PRH1: variants seen among roughly 807,000 people sequenced by gnomAD.
PRH1 encodes the protein proline rich protein HaeIII subfamily 1.
A neutral mutation model predicts 7.9 loss-of-function variants in PRH1; 7 were observed. That is an observed-to-expected ratio of 0.89 (90% CI 0.50 to 1.67). The LOEUF (loss-of-function observed/expected upper bound fraction) is 1.67, where lower values mean the gene tolerates loss of function less well. PRH1 is among the 40% of genes most tolerant of loss of function. The probability of loss-of-function intolerance (pLI) is 0.00; values close to 1 mark genes in which losing one functional copy is unlikely to be tolerated. For missense variants in PRH1, 109 were observed against 223.6 expected (o/e 0.49, Z 3.27); for synonymous variants, 45 against 80.8 (o/e 0.56, Z 2.38).
At chr12:10,976,166 T>C (rs777642204) in intron 1 of PRH1, among the ~76,000 whole-genome samples, 2 of 152,038 alleles carry the variant, frequency 1.3e-5, no homozygotes, top group Non-Finnish European at 2.9e-5. Flanking sequence ...AACCACACAA[T>C]CTAACATAAA....
intron 1 of PRH1, among the ~76,000 whole-genome samples, chr12:11,045,217 T>TA (rs139932883): frequency 0.22 from 33,674 of 151,428 alleles, 3,730 homozygotes; most frequent in Non-Finnish European, 0.24. Context: ...AACTGCAATG[T>TA]TTGCACAGAA....
At chr12:11,109,023 T>C (rs1945511793) in intron 1 of PRH1, among the ~76,000 whole-genome samples, 1 of 152,176 alleles carries the variant, frequency 6.6e-6, no homozygotes, top group African/African-American at 2.4e-5. Context: ...GTAGGCAATT[T>C]TCCCCTTACG....
rs1212932846 is a variant in PRH1, at chr12:11,026,188, A to T, written c.-126+20832T>A. Among the ~76,000 whole-genome samples, 3 of 152,208 alleles carry T rather than the reference A, an allele frequency of 2.0e-5. No individual in the cohort carries two copies. The East Asian group carries it at 5.8e-4, about 29-fold the overall frequency. ...GTATTTGGAACTATAGGCATGCACC[A>T]ACACACCAGCTAATTTTTTAAATTT... On this transcript the variant is annotated intron_variant, in intron 1 of 3. Transcript: ENST00000539853.
intron 1 of PRH1, among the ~76,000 whole-genome samples, chr12:11,132,163 T>C (rs1260702585): frequency 1.3e-5 from 2 of 152,126 alleles, no homozygotes; most frequent in East Asian, 1.9e-4. Context: ...CTTCTTATAA[T>C]AGAACTTCCC....
At chr12:10,941,047 CAAG>C (rs1406374538) in intron 2 of PRH1, among the ~76,000 whole-genome samples, 1 of 152,052 alleles carries the variant, frequency 6.6e-6, no homozygotes, top group African/African-American at 2.4e-5. Context: ...CACATAGAGA[CAAG>C]AAGGTTACCC....
At chr12:11,137,758 T>A (rs1217534604) in intron 1 of PRH1, among the ~76,000 whole-genome samples, 1 of 152,184 alleles carries the variant, frequency 6.6e-6, no homozygotes, top group Non-Finnish European at 1.5e-5. Flanking sequence ...CCAATAATTA[T>A]GATCTTTTTA....
At chr12:11,064,116 G>A (rs1313242378) in intron 1 of PRH1, among the ~76,000 whole-genome samples, 2 of 152,028 alleles carry the variant, frequency 1.3e-5, no homozygotes, top group Non-Finnish European at 2.9e-5. Context: ...CACTTTCCAA[G>A]TCCCTAAACA....
chr12:10,970,346 A>T (rs1226932805), intron 2 of PRH1, among the ~76,000 whole-genome samples: 1 of 152,152 alleles, frequency 6.6e-6, no homozygotes, highest in Non-Finnish European at 1.5e-5. Flanking sequence ...AGGGATAATC[A>T]TCCGTATAAT....
chr12:11,048,899 G>A (rs539627998), upstream of PRH1: 12 of 268,952 alleles, frequency 4.5e-5, no homozygotes, highest in African/African-American at 2.7e-4. Context: ...TTCTTTAGGT[G>A]GAGAAAAATA....
At chr12:11,023,163 A>G (rs892716218) in intron 1 of PRH1, among the ~76,000 whole-genome samples, 1 of 152,256 alleles carries the variant, frequency 6.6e-6, no homozygotes, top group African/African-American at 2.4e-5. Flanking sequence ...GGAGGCTGAT[A>G]CACTTTAAAA....
At chr12:11,080,674 TTAGA>T (rs1218695239) in intron 1 of PRH1, among the ~76,000 whole-genome samples, 1 of 118,810 alleles carries the variant, frequency 8.4e-6, no homozygotes, top group African/African-American at 2.8e-5. Context: ...CAACATTTAT[TTAGA>T]ATTACACACT....
intron 1 of PRH1, among the ~76,000 whole-genome samples, chr12:11,157,424 A>G (rs1447876526): frequency 6.6e-6 from 1 of 152,234 alleles, no homozygotes; most frequent in Non-Finnish European, 1.5e-5. Flanking sequence ...TCCATCATCA[A>G]GAGAGTATGA....
chr12:10,979,288 GTGAGATTTCTCT>G (rs1939246675), intron 1 of PRH1, among the ~76,000 whole-genome samples: 2 of 152,254 alleles, frequency 1.3e-5, no homozygotes, highest in South Asian at 4.1e-4. Flanking sequence ...GCAGAGAGAA[GTGAGATTTCTCT>G]TTAAATAAGG....
At chr12:10,994,263 A>C (rs1053667280) in intron 1 of PRH1, among the ~76,000 whole-genome samples, 1 of 152,158 alleles carries the variant, frequency 6.6e-6, no homozygotes, top group Admixed American at 6.6e-5. Context: ...ACCTCCATCA[A>C]GGGATTGGAT....
intron 3 of PRH1, among the ~76,000 whole-genome samples, chr12:10,881,739 T>A (rs1028194236): frequency 4.6e-5 from 7 of 152,178 alleles, no homozygotes; most frequent in African/African-American, 7.2e-5. Flanking sequence ...GTGAGATTAG[T>A]TTTTGTTAGC....
At chr12:11,112,199 T>C (rs2708352) in intron 1 of PRH1, among the ~76,000 whole-genome samples, 69,257 of 151,888 alleles carry the variant, frequency 0.46, 16,575 homozygotes, top group Non-Finnish European at 0.53. Flanking sequence ...AACAGACATA[T>C]TCACAACCAA....
At position 11,080,002 on chromosome 12, in the gene PRH1, C is replaced by T. The variant is rs181840537; in HGVS notation, n.124-32814G>A. Among the ~76,000 whole-genome samples the T allele has an allele frequency of 2.1e-3, 288 of 139,536 alleles. 1 individual carries two copies. The highest frequency in any genetic ancestry group is 8.0e-3 in the South Asian group (37 of 4,628). 91.5% of individuals were successfully genotyped at this position (139,536 alleles called of 152,430 possible). A position where few individuals can be genotyped will look rare whatever the true frequency, so the allele number is the denominator to read the frequency against. On this transcript the variant is annotated intron_variant and non_coding_transcript_variant, in intron 1 of 4. Coordinates refer to the PRH1 transcript ENST00000541977. ...AAAACATAGCAATGTGTCATAAACA[C>T]TCATGTAACCTTCATGTAGGGCAAG...
At chr12:10,991,156 TAAG>T (rs1472433700) in intron 1 of PRH1, among the ~76,000 whole-genome samples, 1 of 152,166 alleles carries the variant, frequency 6.6e-6, no homozygotes, top group Non-Finnish European at 1.5e-5. Flanking sequence ...TGAACTTACC[TAAG>T]AAGTGGGAGT....
chr12:11,124,419 T>C (rs913113907), intron 1 of PRH1, among the ~76,000 whole-genome samples: 3 of 152,242 alleles, frequency 2.0e-5, no homozygotes, highest in Admixed American at 2.0e-4. Context: ...GATCATGAAA[T>C]GGTTTATTTA....
Sources: gnomAD v4.1 joint callset for allele counts (sites outside exome capture counted in the v4.1 genomes callset) on GRCh38, gnomAD v4.1.1 for gene constraint, MANE v1.5 for transcripts, NCBI Gene and HGNC (gene_info 2026-07-23, HGNC 2026-07-21) for gene names.